ATP11A: variants seen among roughly 807,000 people sequenced by gnomAD.
ATP11A encodes phospholipid-transporting ATPase IH.
Under a neutral mutation model 154.4 loss-of-function variants are expected in ATP11A, and 81 were observed. The observed-to-expected ratio is 0.52, with a 90% CI of 0.44 to 0.63. The LOEUF (loss-of-function observed/expected upper bound fraction) is 0.63. Among genes scored for constraint, ATP11A ranks in the 30% least tolerant of loss-of-function variants. The pLI is 0.00. For synonymous variants in ATP11A, 623 were observed against 585.9 expected (o/e 1.06, Z -0.91); for missense variants, 1,316 against 1,474.3 (o/e 0.89, Z 1.76).
In ATP11A at chr13:112,785,255, A is replaced by G; in HGVS notation, c.160A>G (p.Lys54Glu). ...RYPDNRIVSS[K>E]YTFWNFIPKN... is the part of the protein sequence containing the mutation. ...CCCAGACAACAGGATCGTCTCGTCC[A>G]AGGTAACTTGGCTTGGGTCTGAGTG... The change falls in exon 2 of 30, where the codon AAG (lysine) becomes GAG (glutamate). Residue 54 changes from lysine to glutamate, a missense_variant and splice_region_variant. This residue lies in a region of ATP11A where 123 missense variants were observed against 113.7 expected (regional missense o/e 1.08). Coordinates refer to ENST00000375645, the MANE Select transcript of ATP11A (RefSeq NM_015205.3). This position sits in a 1 kb window ranked among gnomAD's most constrained non-coding sequence, Gnocchi z 4.8. 6 of 1,513,920 alleles carry G rather than the reference A, an allele frequency of 4.0e-6. No homozygotes were observed. The highest frequency in any genetic ancestry group is 5.3e-6 in the Non-Finnish European group (6 of 1,131,084). The allele number at this position is 1,513,920 out of a possible 1,614,324, so 93.8% of individuals were successfully genotyped here. A position where few individuals can be genotyped will look rare whatever the true frequency, so the allele number is the denominator to read the frequency against.
rs151204237 is a variant in ATP11A at position 112,811,257 on chromosome 13, T to C, written c.441+531T>C. 1.8e-3 allele frequency among the ~76,000 whole-genome samples: 262 copies of C among 145,910 alleles called. 3 individuals carry two copies. The highest frequency in any genetic ancestry group is 6.4e-3 in the African/African-American group (249 of 38,642). ...CAGGATTGGTGGAATATAAAATCAT[T>C]ATCACTGCCCCCATCCCCACACACA... On this transcript the variant is annotated intron_variant, in intron 5 of 29. Transcript: ENST00000375645.
At chr13:112,820,468 G>A (rs950816355) in intron 8 of ATP11A, among the ~76,000 whole-genome samples, 1 of 152,210 alleles carries the variant, frequency 6.6e-6, no homozygotes, top group African/African-American at 2.4e-5. Context: ...GGCAGCTCAC[G>A]GTTGGCTGCT....
chr13:112,843,703 T>C (rs1468283102), intron 17 of ATP11A, among the ~76,000 whole-genome samples: 1 of 152,190 alleles, frequency 6.6e-6, no homozygotes, highest in Non-Finnish European at 1.5e-5. Context: ...AACACTTGAT[T>C]ACTGTAGATG....
At chr13:112,867,054 G>A (rs559513270) in intron 25 of ATP11A, among the ~76,000 whole-genome samples, 7 of 412 alleles carry the variant, frequency 0.017, no homozygotes, top group South Asian at 0.33. Context: ...AGCATCTCGC[G>A]TAGCCCTTAA....
rs1384501204 is a variant in ATP11A, at chr13:112,785,095, G to A, written c.40-40G>A. 8.5e-6 allele frequency: 12 copies of A among 1,416,152 alleles called. No homozygotes were observed. Among genetic ancestry groups the A allele is most frequent in the Admixed American group, 2.8e-5 (1 of 36,194 alleles). 87.7% of individuals were successfully genotyped at this position (1,416,152 alleles called of 1,614,324 possible). A position where few individuals can be genotyped will look rare whatever the true frequency, so the allele number is the denominator to read the frequency against. On this transcript the variant is annotated intron_variant, in intron 1 of 29. Coordinates refer to ENST00000375645, the MANE Select transcript of ATP11A (RefSeq NM_015205.3). This position sits in a 1 kb window ranked among gnomAD's most constrained non-coding sequence, Gnocchi z 4.8. The stretch of plus-strand genomic sequence containing the variant: ...CTCTGGGCAAGAGCTTTTGATGCAG[G>A]TTCTGAGGCAGCTGCCTAACACCGC...
intron 1 of ATP11A, among the ~76,000 whole-genome samples, chr13:112,727,600 TTCTTTGC>T (rs1821223444): frequency 6.6e-6 from 1 of 151,450 alleles, no homozygotes; most frequent in African/African-American, 2.4e-5. Context: ...ACTGCTTTTG[TTCTTTGC>T]ACGTGAAGGA....
intron 14 of ATP11A, 26 bp from the exon 15 acceptor site, chr13:112,834,562 AC>A (rs1302765221): frequency 6.7e-7 from 1 of 1,503,372 alleles, no homozygotes; most frequent in South Asian, 1.1e-5. Context: ...TCTCAGATTC[AC>A]CCCGAGGTTT....
chr13:112,711,051 T>C (rs1422061933), intron 1 of ATP11A, among the ~76,000 whole-genome samples: 1 of 141,766 alleles, frequency 7.1e-6, no homozygotes, highest in Non-Finnish European at 1.5e-5. Context: ...GCTGCTGAAA[T>C]CAGGGTTGGA....
chr13:112,847,315 C>T (rs1018193309), intron 17 of ATP11A, among the ~76,000 whole-genome samples: 2 of 152,204 alleles, frequency 1.3e-5, no homozygotes, highest in South Asian at 2.1e-4. Context: ...GCTGTCATAT[C>T]GAAGAAACTG....
chr13:112,883,656 T>C lies in ATP11A; in HGVS notation c.*1790T>C, dbSNP rs1441343612. 2 of 152,848 alleles carry C rather than the reference T, an allele frequency of 1.3e-5. No individual in the cohort carries two copies. The highest frequency in any genetic ancestry group is 2.4e-5 in the African/African-American group (1 of 41,450). The allele number at this position is 152,848 out of a possible 1,614,324, so 9.5% of individuals were successfully genotyped here. On this transcript the variant is annotated 3_prime_UTR_variant, in exon 30 of 30. Transcript: ENST00000375645. ...AAGGTGACAAACATCACACCAAAGA[T>C]GAGGGTAGCGAGCAACTGGCTTGAG...
chr13:112,722,327 G>A (rs1385371476), intron 1 of ATP11A, among the ~76,000 whole-genome samples: 1 of 151,844 alleles, frequency 6.6e-6, no homozygotes, highest in Non-Finnish European at 1.5e-5. Flanking sequence ...GGCGGCCAGG[G>A]GAGAGGGTTT....
chr13:112,716,652 C>G (rs10874477), intron 1 of ATP11A, among the ~76,000 whole-genome samples: 40,465 of 152,120 alleles, frequency 0.27, 5,933 homozygotes, highest in Middle Eastern at 0.37. Context: ...GACTCTCACC[C>G]ATGTCTTGGG....
intron 2 of ATP11A, among the ~76,000 whole-genome samples, chr13:112,792,761 C>A (rs1032996579): frequency 6.6e-6 from 1 of 152,300 alleles, no homozygotes; most frequent in South Asian, 2.1e-4. Flanking sequence ...TTGCACCCCC[C>A]ACGTGGGGAA....
chr13:112,770,661 C>T (rs549363599), intron 1 of ATP11A, among the ~76,000 whole-genome samples: 11 of 152,294 alleles, frequency 7.2e-5, no homozygotes, highest in African/African-American at 1.7e-4. Context: ...GGCCTGTTTG[C>T]GTTTATTACA....
At position 112,883,638 on chromosome 13, in the gene ATP11A, C is replaced by G. The variant is rs1045003095; in HGVS notation, c.*1772C>G. The G allele has an allele frequency of 2.0e-5, 3 of 153,734 alleles. No homozygotes were observed. Among genetic ancestry groups the G allele is most frequent in the East Asian group, 3.8e-4 (2 of 5,210 alleles). 9.5% of individuals were successfully genotyped at this position (153,734 alleles called of 1,614,324 possible). ...CAGTGGTTGGGATAAAATAAGGTGACAAACATCACACCAAAGATGAGGGTA... is the reference window on the plus strand; with the variant it reads ...CAGTGGTTGGGATAAAATAAGGTGAGAAACATCACACCAAAGATGAGGGTA... On this transcript the variant is annotated 3_prime_UTR_variant, in exon 30 of 30. Transcript: ENST00000375645.
intron 6 of ATP11A, among the ~76,000 whole-genome samples, chr13:112,818,205 A>G (rs1462642759): frequency 8.7e-5 from 12 of 137,884 alleles, no homozygotes; most frequent in Admixed American, 3.6e-4. Context: ...GGTGACGGGC[A>G]GTGACTGTTG....
At chr13:112,701,855 TG>T (rs1400309020) in intron 1 of ATP11A, among the ~76,000 whole-genome samples, 1 of 151,804 alleles carries the variant, frequency 6.6e-6, no homozygotes, top group Non-Finnish European at 1.5e-5. Flanking sequence ...AGCAATGGAC[TG>T]AGGTGTGAGT....
intron 2 of ATP11A, among the ~76,000 whole-genome samples, chr13:112,795,105 A>T (rs1206378359): frequency 3.4e-5 from 5 of 148,834 alleles, no homozygotes; most frequent in Non-Finnish European, 7.4e-5. Context: ...TTAGCCGGGC[A>T]TCTTGGGGGG....
chr13:112,883,119 T>TCCC lies in ATP11A; in HGVS notation c.*1254_*1255insCCC, dbSNP rs1566614172. Reference sequence around the variant, plus strand: ...GTCACCTCGTCCCCACGTCCCCTCGTCTCCTCATCCCCACGTCCTCTCGTC... The same window carrying TCCC: ...GTCACCTCGTCCCCACGTCCCCTCGTCCCCTCCTCATCCCCACGTCCTCTCGTC... On this transcript the variant is annotated 3_prime_UTR_variant, in exon 30 of 30. Coordinates refer to ENST00000375645, the MANE Select transcript of ATP11A (RefSeq NM_015205.3). The TCCC allele has an allele frequency of 1.1e-4, 44 of 392,898 alleles. No individual in the cohort carries two copies. The highest frequency in any genetic ancestry group is 8.9e-4 in the African/African-American group (41 of 45,982). 24.3% of individuals were successfully genotyped at this position (392,898 alleles called of 1,614,324 possible). A position where few individuals can be genotyped will look rare whatever the true frequency, so the allele number is the denominator to read the frequency against.
Sources: gnomAD v4.1 joint callset for allele counts (sites outside exome capture counted in the v4.1 genomes callset) on GRCh38, gnomAD v4.1.1 for gene constraint, gnomAD v4.1.1 regional missense constraint, Gnocchi (gnomAD v3.1) non-coding constraint, MANE v1.5 for transcripts, NCBI Gene and HGNC (gene_info 2026-07-23, HGNC 2026-07-21) for gene names.